Variants in RBPJ observed in about 807,000 individuals in gnomAD.
RBPJ encodes recombining binding protein suppressor of hairless.
RBPJ carries 9 observed loss-of-function variants against 67.8 expected under a neutral mutation model. That is an observed-to-expected ratio of 0.13 (90% CI 0.08 to 0.23). RBPJ has a LOEUF of 0.23. RBPJ is among the 10% of genes least tolerant of loss of function. The pLI is 1.00. For synonymous variants in RBPJ, 198 were observed against 203.3 expected (o/e 0.97, Z 0.22); for missense variants, 305 against 595.6 (o/e 0.51, Z 5.08).
intron 1 of RBPJ, among the ~76,000 whole-genome samples, chr4:26,380,799 G>A (rs1053371387): frequency 2.6e-5 from 4 of 151,628 alleles, no homozygotes; most frequent in African/African-American, 9.7e-5. Flanking sequence ...ATACTTCACC[G>A]TGTTTCTTGT....
intron 1 of RBPJ, among the ~76,000 whole-genome samples, chr4:26,166,409 T>C (rs1460104430): frequency 1.4e-4 from 20 of 142,240 alleles, no homozygotes; most frequent in African/African-American, 4.9e-4. Context: ...TGATCGCCAT[T>C]CTAACTGGTG....
chr4:26,329,254 A>T (rs905823190), intron 1 of RBPJ, among the ~76,000 whole-genome samples: 1 of 152,144 alleles, frequency 6.6e-6, no homozygotes, highest in Non-Finnish European at 1.5e-5. Flanking sequence ...CAGACTCCCA[A>T]AGTGCTAGGA....
chr4:26,167,124 T>C (rs1716346972), intron 1 of RBPJ, among the ~76,000 whole-genome samples: 1 of 151,830 alleles, frequency 6.6e-6, no homozygotes, highest in Non-Finnish European at 1.5e-5. Flanking sequence ...TGTAGCCTTG[T>C]AGTATAGTTT....
At chr4:26,229,138 G>T (rs1719188169) in intron 1 of RBPJ, among the ~76,000 whole-genome samples, 1 of 152,228 alleles carries the variant, frequency 6.6e-6, no homozygotes, top group Non-Finnish European at 1.5e-5. Flanking sequence ...TAGAGAATCA[G>T]GCAGGAAGCC....
chr4:26,305,771 C>CTTTTTTTTTTATTTTTTTTTTTT (rs1722214444), intron 1 of RBPJ, among the ~76,000 whole-genome samples: 1 of 67,758 alleles, frequency 1.5e-5, no homozygotes, highest in Non-Finnish European at 2.5e-5. Flanking sequence ...ATTTTCTTTT[C>CTTTTTTTTTTATTTTTTTTTTTT]TTTTTTTTTT....
chr4:26,398,546 T>C (rs924044715), intron 2 of RBPJ, among the ~76,000 whole-genome samples: 4 of 152,226 alleles, frequency 2.6e-5, no homozygotes, highest in Non-Finnish European at 2.9e-5. Flanking sequence ...ATGTACACTT[T>C]ACTAGCATGA....
the RBPJ span, among the ~76,000 whole-genome samples, chr4:26,125,592 A>C: frequency 1.3e-5 from 2 of 152,108 alleles, no homozygotes; most frequent in Non-Finnish European, 2.9e-5. Context: ...TGAGGTCAGG[A>C]GTTCAAGATT....
intron 1 of RBPJ, among the ~76,000 whole-genome samples, chr4:26,271,766 G>A (rs1720925180): frequency 6.6e-6 from 1 of 152,138 alleles, no homozygotes; most frequent in South Asian, 2.1e-4. Flanking sequence ...CTATGTGAAA[G>A]CCAGATTTAT....
rs1036877093 is a variant in RBPJ, at chr4:26,424,130, A to G, written c.497-212A>G. On this transcript the variant is annotated intron_variant, in intron 5 of 10. Coordinates refer to ENST00000355476, the MANE Select transcript of RBPJ (RefSeq NM_015874.6). The surrounding 1 kb of genome is among the most constrained non-coding windows in gnomAD (Gnocchi z 5.3). The stretch of plus-strand genomic sequence containing the variant: ...TAGCTTTCACTTTAAAATTATTTTT[A>G]TGGACATTTGATATCATTAGCTTGA... Among the ~76,000 whole-genome samples the G allele has an allele frequency of 6.6e-6, 1 of 152,232 alleles. No homozygotes were observed. The highest frequency in any genetic ancestry group is 2.4e-5 in the African/African-American group (1 of 41,458).
intron 4 of RBPJ, among the ~76,000 whole-genome samples, chr4:26,417,852 TG>T (rs1195052577): frequency 6.6e-6 from 1 of 152,248 alleles, no homozygotes; most frequent in Non-Finnish European, 1.5e-5. Context: ...TTGCAATTTT[TG>T]GTGTTTATAC....
rs12650452 is a variant in RBPJ at position 26,401,045 on chromosome 4, C to T, written c.60-5130C>T. Among the ~76,000 whole-genome samples the T allele has an allele frequency of 0.35, 53,717 of 152,122 alleles. 10,088 individuals carry two copies. The highest frequency in any genetic ancestry group is 0.48 in the Admixed American group (7,377 of 15,282). On this transcript the variant is annotated intron_variant, in intron 2 of 10. Transcript: ENST00000355476. ...AAAGCCTCAGTGGAAGTCCCATTTT[C>T]CCTCCCTCTGCATTTTGTGTACTGT...
At chr4:26,255,310 A>C (rs1189673491) in intron 1 of RBPJ, among the ~76,000 whole-genome samples, 1 of 123,618 alleles carries the variant, frequency 8.1e-6, no homozygotes. Flanking sequence ...AGGCTGAGGC[A>C]GGAGAATGGC....
intron 1 of RBPJ, among the ~76,000 whole-genome samples, chr4:26,203,322 C>T (rs1242411936): frequency 6.6e-6 from 1 of 152,168 alleles, no homozygotes; most frequent in Non-Finnish European, 1.5e-5. Context: ...ACAGTCTTTG[C>T]CACATGCCCA....
chr4:26,236,692 T>C (rs1408232616), intron 1 of RBPJ, among the ~76,000 whole-genome samples: 1 of 152,210 alleles, frequency 6.6e-6, no homozygotes, highest in African/African-American at 2.4e-5. Flanking sequence ...ACCTATGTGA[T>C]AGTGTATTAG....
chr4:26,334,332 A>AT (rs1292539023), intron 1 of RBPJ, among the ~76,000 whole-genome samples: 2 of 149,932 alleles, frequency 1.3e-5, no homozygotes, highest in Non-Finnish European at 3.0e-5. Flanking sequence ...ATGAGTCACC[A>AT]TGCCTGGCCC....
At chr4:26,429,113 T>C (rs1229965267) in intron 8 of RBPJ, among the ~76,000 whole-genome samples, 4 of 152,188 alleles carry the variant, frequency 2.6e-5, no homozygotes, top group African/African-American at 9.7e-5. Flanking sequence ...GGGTTCTTAA[T>C]TGAAGAACAA....
At chr4:26,418,147 A>T (rs190188808) in intron 4 of RBPJ, among the ~76,000 whole-genome samples, 5 of 152,294 alleles carry the variant, frequency 3.3e-5, no homozygotes, top group African/African-American at 1.2e-4. Flanking sequence ...ACTTTGCAGC[A>T]TTAGATTTGG....
intron 1 of RBPJ, among the ~76,000 whole-genome samples, chr4:26,273,961 T>C (rs1395432951): frequency 6.6e-6 from 1 of 152,202 alleles, no homozygotes; most frequent in Non-Finnish European, 1.5e-5. Flanking sequence ...GAAAAAAAGT[T>C]TGTTCTTCTT....
At chr4:26,341,864 T>C (rs1276402100) in intron 1 of RBPJ, among the ~76,000 whole-genome samples, 1 of 152,162 alleles carries the variant, frequency 6.6e-6, no homozygotes, top group Non-Finnish European at 1.5e-5. Flanking sequence ...CGTTTGTATG[T>C]TGTCAATAAT....
Sources: gnomAD v4.1 joint callset for allele counts (sites outside exome capture counted in the v4.1 genomes callset) on GRCh38, gnomAD v4.1.1 for gene constraint, Gnocchi (gnomAD v3.1) non-coding constraint, MANE v1.5 for transcripts, NCBI Gene and HGNC (gene_info 2026-07-23, HGNC 2026-07-21) for gene names.